The following ZNF331 variants were observed in gnomAD, a reference collection of about 807,000 sequenced individuals.
ZNF331 encodes C2H2-like zinc finger protein rearranged in thyroid adenomas.
Under a neutral mutation model 7.0 loss-of-function variants are expected in ZNF331, and 2 were observed. The observed-to-expected ratio is 0.29, with a 90% CI of 0.12 to 0.90. The LOEUF (loss-of-function observed/expected upper bound fraction) is 0.90. ZNF331 is among the 40% of genes least tolerant of loss of function. The pLI, the probability that ZNF331 is intolerant of heterozygous loss-of-function variation, is 0.58. For synonymous variants in ZNF331, 196 were observed against 205.4 expected, an observed-to-expected ratio of 0.95 and a Z score of 0.39; for missense variants, 432 against 587.7, an observed-to-expected ratio of 0.74 and a Z score of 2.74.
rs1331279924 is a variant in ZNF331, at chr19:53,571,310, C to T, written c.10-294C>T. ...TTATAAGGCAGGCACGTAGCAGACA[C>T]TGCTTGTAAGCAAGAAGAAAACTTG... is the stretch of plus-strand genomic sequence containing the variant. On this transcript the variant is annotated intron_variant, in intron 4 of 5. Coordinates refer to ENST00000449416, the MANE Select transcript of ZNF331 (RefSeq NM_001079906.2). The surrounding 1 kb of genome is among the most constrained non-coding windows in gnomAD (Gnocchi z 4.7). 6.6e-6 allele frequency among the ~76,000 whole-genome samples: 1 copy of T among 152,212 alleles called. No homozygotes were observed. Among genetic ancestry groups the T allele is most frequent in the Non-Finnish European group, 1.5e-5 (1 of 68,048 alleles).
In ZNF331 at chr19:53,569,826, A is replaced by AG. The variant is rs1056868461; in HGVS notation, c.9+444dup. On this transcript the variant is annotated intron_variant, in intron 4 of 5. Coordinates refer to ENST00000449416, the MANE Select transcript of ZNF331 (RefSeq NM_001079906.2). ...CCCAAGCTTTATGGGACTTTTGGAA[A>AG]GGGATGGGGCTGTGATTAGGACCTT... 7.2e-5 allele frequency among the ~76,000 whole-genome samples: 11 copies of AG among 152,152 alleles called. 1 individual carries two copies. Among genetic ancestry groups the AG allele is most frequent in the African/African-American group, 2.7e-4 (11 of 41,438 alleles).
At chr19:53,572,319 A>G (rs1230823488) in intron 5 of ZNF331, among the ~76,000 whole-genome samples, 1 of 151,990 alleles carries the variant, frequency 6.6e-6, no homozygotes, top group Non-Finnish European at 1.5e-5. Context: ...TCTTCTAGCA[A>G]AAATAACAAC....
intron 2 of ZNF331, chr19:53,523,370 C>G (rs1472204624): frequency 6.6e-6 from 1 of 152,036 alleles, no homozygotes; most frequent in African/African-American, 2.4e-5. Flanking sequence ...AGGCACCCAC[C>G]ACCATGCCTG....
chr19:53,517,064 G>A (rs1261347269), upstream of ZNF331, among the ~76,000 whole-genome samples: 2 of 152,114 alleles, frequency 1.3e-5, no homozygotes, highest in Non-Finnish European at 2.9e-5. Context: ...ACAGGCACAC[G>A]TGGTAGAGTA....
At chr19:53,548,499 C>G (rs1284994066) in intron 2 of ZNF331, among the ~76,000 whole-genome samples, 1 of 152,180 alleles carries the variant, frequency 6.6e-6, no homozygotes, top group East Asian at 1.9e-4. Context: ...TCAAGCAGTC[C>G]TCCCATCTCG....
chr19:53,576,571 C>A, intron 5 of ZNF331, 126 bp from the exon 6 acceptor site: 2 of 763,792 alleles, frequency 2.6e-6, no homozygotes, highest in Non-Finnish European at 2.1e-6. Flanking sequence ...TAACAAGAGC[C>A]CTGGGTGATT....
intron 5 of ZNF331, among the ~76,000 whole-genome samples, chr19:53,572,999 A>G (rs1236293963): frequency 6.6e-6 from 1 of 152,112 alleles, no homozygotes; most frequent in East Asian, 1.9e-4. Context: ...TGGGCGGATC[A>G]CTGGAGGTCA....
Position 53,577,418 on chromosome 19 carries a change from C to G in ZNF331, c.858C>G (p.Leu286=). The change falls in exon 6 of 6, where the codon CTC becomes CTG. Residue 286 remains leucine, a synonymous_variant. Coordinates refer to ENST00000449416, the MANE Select transcript of ZNF331 (RefSeq NM_001079906.2). Reference sequence around the variant, plus strand: ...AGGCTTTTATTTGTGGTTCAAGCCTCATTCAGCATAAAAGAATTCACACAG... The same window carrying G: ...AGGCTTTTATTTGTGGTTCAAGCCTGATTCAGCATAAAAGAATTCACACAG... ...CGKAFICGSS[L]IQHKRIHTGE... is the part of the protein sequence containing the mutation. 6.2e-7 allele frequency: 1 copy of G among 1,614,160 alleles called. No homozygotes were observed. The highest frequency in any genetic ancestry group is 8.5e-7 in the Non-Finnish European group (1 of 1,180,020).
chr19:53,572,212 A>T (rs1391236179), intron 5 of ZNF331, among the ~76,000 whole-genome samples: 1 of 152,166 alleles, frequency 6.6e-6, no homozygotes, highest in African/African-American at 2.4e-5. Context: ...CATTTCTTAC[A>T]TACCATACCT....
chr19:53,515,706 A>G (rs1307344544), upstream of ZNF331, among the ~76,000 whole-genome samples: 9 of 152,134 alleles, frequency 5.9e-5, no homozygotes, highest in Admixed American at 5.9e-4. Context: ...TGTGTTGGTC[A>G]GGCTGGTCTC....
At chr19:53,530,062 T>C (rs1411283663) in intron 2 of ZNF331, among the ~76,000 whole-genome samples, 2 of 152,172 alleles carry the variant, frequency 1.3e-5, no homozygotes, top group Non-Finnish European at 2.9e-5. Flanking sequence ...ACTTGGCTTC[T>C]AGGGAGGCCT....
rs527391326 is a variant in ZNF331 at position 53,546,140 on chromosome 19, GAAAAAAAAA to G, written c.-138+6871_-138+6879del. ...CCTTCAGAAAAAGCATCCTGAGGGGGAAAAAAAAAAAAAAAAAAAAATTATTATTTAGGT... is the reference window on the plus strand; with the variant it reads ...CCTTCAGAAAAAGCATCCTGAGGGGGAAAAAAAAAAAATTATTATTTAGGT... On this transcript the variant is annotated intron_variant, in intron 2 of 5. Coordinates refer to ENST00000449416, the MANE Select transcript of ZNF331 (RefSeq NM_001079906.2). Among the ~76,000 whole-genome samples, 991 of 113,522 alleles carry G rather than the reference GAAAAAAAAA, an allele frequency of 8.7e-3. 21 individuals carry two copies. The highest frequency in any genetic ancestry group is 0.027 in the African/African-American group (939 of 34,406). The allele number at this position is 113,522 out of a possible 152,430, so 74.5% of individuals were successfully genotyped here.
chr19:53,570,621 C>T (rs1045230011), intron 4 of ZNF331, among the ~76,000 whole-genome samples: 1 of 151,866 alleles, frequency 6.6e-6, no homozygotes, highest in Non-Finnish European at 1.5e-5. Context: ...CAACCTCTGC[C>T]TCGCGGGTTC....
intron 2 of ZNF331, among the ~76,000 whole-genome samples, chr19:53,523,953 C>T (rs1039926518): frequency 6.6e-6 from 1 of 152,140 alleles, no homozygotes; most frequent in Non-Finnish European, 1.5e-5. Flanking sequence ...GTGATATTCA[C>T]CACCCTGTGT....
In ZNF331 at chr19:53,578,213, C is replaced by T. The variant is rs557142589; in HGVS notation, c.*261C>T. The T allele has an allele frequency of 2.7e-4, 118 of 432,862 alleles. 2 individuals carry two copies. The highest frequency in any genetic ancestry group is 2.5e-3 in the East Asian group (66 of 26,462). 26.8% of individuals were successfully genotyped at this position (432,862 alleles called of 1,614,324 possible). A position where few individuals can be genotyped will look rare whatever the true frequency, so the allele number is the denominator to read the frequency against. On this transcript the variant is annotated 3_prime_UTR_variant, in exon 6 of 6. Transcript: ENST00000449416. ...CCCACCCTGCTAGTGACTTAGTAGC[C>T]GTCTTGGTGATCAGATCAACTATCC...
At chr19:53,506,411 C>CTCTCTCTCT in the ZNF331 span, among the ~76,000 whole-genome samples, 6 of 74,412 alleles carry the variant, frequency 8.1e-5, no homozygotes, top group Non-Finnish European at 1.5e-4. Flanking sequence ...CTCTCTCTCT[C>CTCTCTCTCT]CTCTCTCTCT....
intron 2 of ZNF331, among the ~76,000 whole-genome samples, chr19:53,540,728 G>A: frequency 6.6e-6 from 1 of 151,982 alleles, no homozygotes; most frequent in East Asian, 1.9e-4. Flanking sequence ...GAGCCACCGA[G>A]CCTGCCCTGT....
chr19:53,540,951 A>G (rs7245550), intron 2 of ZNF331, among the ~76,000 whole-genome samples: 94,555 of 151,982 alleles, frequency 0.62, 31,015 homozygotes, highest in African/African-American at 0.83. Flanking sequence ...GTAACTCAGG[A>G]TAATCTTCCC....
chr19:53,523,667 TCTG>T (rs2087177686), intron 2 of ZNF331, among the ~76,000 whole-genome samples: 1 of 152,206 alleles, frequency 6.6e-6, no homozygotes, highest in Admixed American at 6.5e-5. Context: ...TGTTGATTGC[TCTG>T]CTGTGCATAA....
Sources: gnomAD v4.1 joint callset for allele counts (sites outside exome capture counted in the v4.1 genomes callset) on GRCh38, gnomAD v4.1.1 for gene constraint, Gnocchi (gnomAD v3.1) non-coding constraint, MANE v1.5 for transcripts, NCBI Gene and HGNC (gene_info 2026-07-23, HGNC 2026-07-21) for gene names.